PKHD1L1: variants seen among roughly 807,000 people sequenced by gnomAD.
PKHD1L1 encodes fibrocystin-L.
PKHD1L1 carries 434 observed loss-of-function variants against 462.9 expected under a neutral mutation model. The observed-to-expected ratio is 0.94, with a 90% CI of 0.87 to 1.02. PKHD1L1 has a LOEUF of 1.02. Among genes scored for constraint, PKHD1L1 ranks in the 50% least tolerant of loss-of-function variants. The pLI is 0.00. For synonymous variants in PKHD1L1, 1,781 were observed against 1,750.0 expected (o/e 1.02, Z -0.44); for missense variants, 5,202 against 5,096.1 (o/e 1.02, Z -0.63).
At position 109,408,065 on chromosome 8, in the gene PKHD1L1, T is replaced by A; in HGVS notation, c.1830T>A (p.Leu610=). Reference sequence around the variant, plus strand: ...TAATTTCAGGAGACTTTGATCTGCTTGGTTATGAAGTAGTTGAAGGGAATA... The same window carrying A: ...TAATTTCAGGAGACTTTGATCTGCTAGGTTATGAAGTAGTTGAAGGGAATA... The part of the protein sequence containing the change: ...FISTRGDFDL[L]GYEVVEGNNV... The change falls in exon 18 of 78, where the codon CTT becomes CTA. Residue 610 remains leucine (L), a synonymous_variant. Transcript: ENST00000378402. The A allele has an allele frequency of 6.2e-7, 1 of 1,602,716 alleles. No individual in the cohort carries two copies. The highest frequency in any genetic ancestry group is 8.5e-7 in the Non-Finnish European group (1 of 1,173,574).
intron 32 of PKHD1L1, among the ~76,000 whole-genome samples, chr8:109,440,429 T>C (rs1229133010): frequency 6.6e-6 from 1 of 152,134 alleles, no homozygotes; most frequent in Non-Finnish European, 1.5e-5. Context: ...ACCTCAGTTC[T>C]CATAAGCATA....
At chr8:109,480,661 T>A (rs1048789510) in intron 55 of PKHD1L1, 3 of 451,662 alleles carry the variant, frequency 6.6e-6, no homozygotes, top group African/African-American at 4.0e-5. Flanking sequence ...TCGATTGTCC[T>A]GTCAGTCTTG....
chr8:109,410,476 A>G (rs1813780308), intron 19 of PKHD1L1, among the ~76,000 whole-genome samples: 1 of 152,008 alleles, frequency 6.6e-6, no homozygotes, highest in African/African-American at 2.4e-5. Flanking sequence ...GAGCAAGAGA[A>G]GAGAGTGGGG....
intron 39 of PKHD1L1, among the ~76,000 whole-genome samples, chr8:109,448,910 C>T (rs1470546166): frequency 2.0e-5 from 3 of 151,916 alleles, no homozygotes; most frequent in Non-Finnish European, 2.9e-5. Context: ...TTTCTTAAAT[C>T]ATGTTTAGAC....
rs1812013399 is a variant in PKHD1L1, at chr8:109,379,707, A to T, written c.164-1663A>T. Among the ~76,000 whole-genome samples the T allele has an allele frequency of 2.0e-5, 3 of 152,140 alleles. No individual in the cohort carries two copies. In the South Asian group the frequency reaches 6.2e-4, roughly 32 times the overall value. On this transcript the variant is annotated intron_variant, in intron 2 of 77. Coordinates refer to ENST00000378402, the MANE Select transcript of PKHD1L1 (RefSeq NM_177531.6). ...CCTTTGCAACCTTACATTCTGCTGG[A>T]TTTGTGGTCTTAGTTTCCAGGTAGA...
intron 21 of PKHD1L1, among the ~76,000 whole-genome samples, chr8:109,417,985 A>T (rs1013147359): frequency 6.6e-6 from 1 of 152,220 alleles, no homozygotes; most frequent in African/African-American, 2.4e-5. Context: ...AAATTGTTCT[A>T]CAACCTTCCA....
At chr8:109,409,738 A>G in intron 18 of PKHD1L1, 127 bp from the exon 19 acceptor site, 1 of 499,254 alleles carries the variant, frequency 2.0e-6, no homozygotes, top group Non-Finnish European at 3.5e-6. Context: ...TTAACTCATA[A>G]TCATGACTAA....
intron 77 of PKHD1L1, among the ~76,000 whole-genome samples, chr8:109,529,316 T>C (rs193110398): frequency 6.6e-6 from 1 of 152,330 alleles, no homozygotes; most frequent in East Asian, 1.9e-4. Context: ...TAGCTGAATA[T>C]AGACAAGGGG....
At chr8:109,438,635 T>C (rs531718050) in intron 31 of PKHD1L1, among the ~76,000 whole-genome samples, 179 bp downstream of exon 31, 2 of 152,092 alleles carry the variant, frequency 1.3e-5, no homozygotes, top group Admixed American at 1.3e-4. Context: ...ATTGAACATA[T>C]GCAATAAGGA....
chr8:109,507,911 C>T lies in PKHD1L1; in HGVS notation c.11227+16C>T, dbSNP rs780601761. ...CCTCATAAAGGTTTGTTGGATCTTGCTTAATCTGTCATTAGGCCTTAAACT... is the reference window on the plus strand; with the variant it reads ...CCTCATAAAGGTTTGTTGGATCTTGTTTAATCTGTCATTAGGCCTTAAACT... On this transcript the variant is annotated intron_variant, in intron 69 of 77. Transcript: ENST00000378402. 1 of 1,611,534 alleles carries T rather than the reference C, an allele frequency of 6.2e-7. No homozygotes were observed. The highest frequency in any genetic ancestry group is 2.2e-5 in the East Asian group (1 of 44,836).
intron 11 of PKHD1L1, 48 bp from the exon 12 acceptor site, chr8:109,398,411 C>T: frequency 1.7e-6 from 2 of 1,169,516 alleles, no homozygotes; most frequent in African/African-American, 1.5e-5. Flanking sequence ...ATGTGATTTG[C>T]ATTCTGAAGT....
intron 24 of PKHD1L1, among the ~76,000 whole-genome samples, chr8:109,426,018 A>G (rs1327120588): frequency 6.6e-6 from 1 of 152,120 alleles, no homozygotes; most frequent in African/African-American, 2.4e-5. Flanking sequence ...TATAATAAAC[A>G]TTTTGGTGTA....
chr8:109,448,278 A>G lies in PKHD1L1; in HGVS notation c.5912A>G (p.Asp1971Gly), dbSNP rs1192093680. Reference protein sequence around the residue: ...NDSVVQCIVGDHAGGTFPVMM... With the variant: ...NDSVVQCIVGGHAGGTFPVMM... ...AGTGTGGTGCAGTGCATCGTGGGAGATCATGCTGGGGGCACATTTCCTGTT... is the reference window on the plus strand; with the variant it reads ...AGTGTGGTGCAGTGCATCGTGGGAGGTCATGCTGGGGGCACATTTCCTGTT... Residue 1971 changes from aspartate to glycine, a missense_variant, in exon 39 of 78, where the codon GAT becomes GGT. Physicochemically the swap from Asp to Gly is moderately conservative, Grantham distance 94. Coordinates refer to ENST00000378402, the MANE Select transcript of PKHD1L1 (RefSeq NM_177531.6). 6.2e-7 allele frequency: 1 copy of G among 1,613,620 alleles called. No homozygotes were observed. The highest frequency in any genetic ancestry group is 1.1e-5 in the South Asian group (1 of 91,040).
At position 109,531,419 on chromosome 8, in the gene PKHD1L1, T is replaced by A. The variant is rs1178033294; in HGVS notation, c.*1329T>A. On this transcript the variant is annotated 3_prime_UTR_variant, in exon 78 of 78. Transcript: ENST00000378402. ...GGAAACAGACCATTTCAATACAACA[T>A]GATCACTGTCTCAGGGAGAGAGAGA... 6.6e-6 allele frequency among the ~76,000 whole-genome samples: 1 copy of A among 151,874 alleles called. No individual in the cohort carries two copies. Among genetic ancestry groups the A allele is most frequent in the South Asian group, 2.1e-4 (1 of 4,818 alleles).
Position 109,439,006 on chromosome 8 carries a change from A to G in PKHD1L1, c.3870A>G (p.Thr1290=), listed in dbSNP as rs1815612641. Reference sequence around the variant, plus strand: ...GCCAGATTCTTCACTGGAACTTCACAGATATTAGATGCCTTTTGCCCAAGT... The same window carrying G: ...GCCAGATTCTTCACTGGAACTTCACGGATATTAGATGCCTTTTGCCCAAGT... The part of the protein sequence containing the change: ...KTCQILHWNF[T]DIRCLLPKLS... Residue 1290 remains threonine, a synonymous_variant, in exon 32 of 78, where the codon ACA becomes ACG. Transcript: ENST00000378402. 6 of 1,613,610 alleles carry G rather than the reference A, an allele frequency of 3.7e-6. No individual in the cohort carries two copies. The highest frequency in any genetic ancestry group is 5.1e-6 in the Non-Finnish European group (6 of 1,179,692).
In PKHD1L1 at chr8:109,407,895, C is replaced by T. The variant is rs1423270950; in HGVS notation, c.1814-154C>T. Among the ~76,000 whole-genome samples the T allele has an allele frequency of 4.6e-5, 7 of 152,010 alleles. No homozygotes were observed. In the East Asian group the frequency reaches 5.8e-4, roughly 13 times the overall value. On this transcript the variant is annotated intron_variant, in intron 17 of 77. Coordinates refer to ENST00000378402, the MANE Select transcript of PKHD1L1 (RefSeq NM_177531.6). ...GCTCAAATTTTAAGGATCTACATCG[C>T]CCCCATTCTTCCTTCTTTTCTGATA...
chr8:109,438,224 C>T (rs1474992610), intron 30 of PKHD1L1, 100 bp from the exon 31 acceptor site: 5 of 908,640 alleles, frequency 5.5e-6, no homozygotes, highest in Non-Finnish European at 7.8e-6. Flanking sequence ...TGAAGTAAAA[C>T]ATCTTCAGAA....
chr8:109,454,127 T>C (rs781770272), intron 43 of PKHD1L1, 40 bp from the exon 44 acceptor site: 13 of 1,338,758 alleles, frequency 9.7e-6, no homozygotes, highest in Non-Finnish European at 1.3e-5. Context: ...TTTAACAAGA[T>C]TTTTCCTTGT....
At chr8:109,430,684 A>G (rs1280535651) in intron 27 of PKHD1L1, among the ~76,000 whole-genome samples, 2 of 152,150 alleles carry the variant, frequency 1.3e-5, no homozygotes, top group South Asian at 2.1e-4. Context: ...ATAAACTCAT[A>G]TGCTATAGTT....
Sources: gnomAD v4.1 joint callset for allele counts (sites outside exome capture counted in the v4.1 genomes callset) on GRCh38, gnomAD v4.1.1 for gene constraint, MANE v1.5 for transcripts, NCBI Gene and HGNC (gene_info 2026-07-23, HGNC 2026-07-21) for gene names.